Variants in STRN3 observed in about 807,000 individuals in gnomAD.
The protein encoded by STRN3 is striatin-3.
STRN3 carries 29 observed loss-of-function variants against 95.6 expected under a neutral mutation model. The ratio of observed to expected loss-of-function variants is 0.30; its 90% CI spans 0.23 to 0.41. STRN3 has a LOEUF of 0.41. Ranked by LOEUF, STRN3 falls within the 10% of genes least tolerant of loss-of-function variation. STRN3 has a pLI of 1.00. For synonymous variants in STRN3, 331 were observed against 357.6 expected, an observed-to-expected ratio of 0.93 and a Z score of 0.84; for missense variants, 890 against 972.1, an observed-to-expected ratio of 0.92 and a Z score of 1.12.
rs141607363 is a variant in STRN3, at chr14:30,965,954, T to C, written c.283-9712A>G. Among the ~76,000 whole-genome samples, 866 of 152,174 alleles carry C rather than the reference T, an allele frequency of 5.7e-3. 4 individuals carry two copies. The highest frequency in any genetic ancestry group is 0.02 in the African/African-American group (827 of 41,494). ...TTCCTCATAAAGCAATCTTTTTCGA[T>C]TACCCACTCCACCCTGACTCATTCC... is the stretch of plus-strand genomic sequence containing the variant. On this transcript the variant is annotated intron_variant, in intron 1 of 17. Transcript: ENST00000357479.
intron 1 of STRN3, among the ~76,000 whole-genome samples, chr14:31,013,488 GACAC>G (rs1033507905): frequency 1.7e-4 from 26 of 152,196 alleles, no homozygotes; most frequent in Admixed American, 3.9e-4. Context: ...ACTAGAGAGG[GACAC>G]ACACAGACTA....
intron 1 of STRN3, among the ~76,000 whole-genome samples, chr14:30,971,628 A>T (rs1880831905): frequency 6.6e-6 from 1 of 152,222 alleles, no homozygotes. Context: ...TTGCATCATG[A>T]TTAAAACTCA....
At chr14:30,914,940 T>C (rs1896699136) in intron 9 of STRN3, among the ~76,000 whole-genome samples, 1 of 152,244 alleles carries the variant, frequency 6.6e-6, no homozygotes, top group Non-Finnish European at 1.5e-5. Flanking sequence ...CATAATTGAA[T>C]GACTATTATC....
chr14:30,992,135 T>C (rs1446112529), intron 1 of STRN3, among the ~76,000 whole-genome samples: 1 of 151,586 alleles, frequency 6.6e-6, no homozygotes, highest in African/African-American at 2.4e-5. Context: ...AGGGGCCGGG[T>C]GCAGTGGCTC....
intron 6 of STRN3, among the ~76,000 whole-genome samples, 180 bp downstream of exon 6, chr14:30,936,315 T>C (rs1392099432): frequency 2.6e-5 from 4 of 152,224 alleles, no homozygotes; most frequent in Admixed American, 6.5e-5. Flanking sequence ...TAGTGAATAA[T>C]ATAGCAAACA....
intron 1 of STRN3, among the ~76,000 whole-genome samples, chr14:31,010,617 A>G (rs570196783): frequency 7.2e-5 from 11 of 152,208 alleles, no homozygotes; most frequent in African/African-American, 2.2e-4. Context: ...GATTTATGGC[A>G]CACAAAACTT....
chr14:30,923,692 G>A (rs1896939628), intron 8 of STRN3, among the ~76,000 whole-genome samples: 1 of 151,978 alleles, frequency 6.6e-6, no homozygotes, highest in African/African-American at 2.4e-5. Context: ...AAATTTTATA[G>A]GTATAATATA....
intron 2 of STRN3, 69 bp downstream of exon 2, chr14:30,956,070 G>C (rs2139143022): frequency 2.3e-6 from 3 of 1,333,178 alleles, no homozygotes; most frequent in Non-Finnish European, 3.2e-6. Context: ...GCCAAATACA[G>C]AGTACAATGG....
intron 1 of STRN3, among the ~76,000 whole-genome samples, chr14:30,978,911 G>A (rs1189268773): frequency 1.3e-5 from 2 of 151,894 alleles, no homozygotes; most frequent in Admixed American, 6.6e-5. Flanking sequence ...GCACACGCCT[G>A]TAGTCCCAGC....
chr14:31,011,101 A>G (rs1399613457), intron 1 of STRN3, among the ~76,000 whole-genome samples: 2 of 152,194 alleles, frequency 1.3e-5, no homozygotes, highest in African/African-American at 4.8e-5. Flanking sequence ...CATGACAGGG[A>G]GGGGAGACAA....
At chr14:30,996,618 A>G (rs1882208289) in intron 1 of STRN3, among the ~76,000 whole-genome samples, 1 of 152,208 alleles carries the variant, frequency 6.6e-6, no homozygotes, top group Non-Finnish European at 1.5e-5. Flanking sequence ...CTGTAATCCT[A>G]GCACTTTGGG....
At chr14:30,941,566 AG>A (rs1018455557) in intron 5 of STRN3, among the ~76,000 whole-genome samples, 31 of 152,234 alleles carry the variant, frequency 2.0e-4, no homozygotes, top group African/African-American at 7.0e-4. Context: ...GGAGTAGGGG[AG>A]GGGTGGTGTT....
At chr14:30,966,726 T>C (rs1001753391) in intron 1 of STRN3, among the ~76,000 whole-genome samples, 1 of 152,076 alleles carries the variant, frequency 6.6e-6, no homozygotes, top group South Asian at 2.1e-4. Flanking sequence ...GCTTGCGGTG[T>C]TGTGTGGATG....
At chr14:30,956,981 A>AT (rs1879940486) in intron 1 of STRN3, among the ~76,000 whole-genome samples, 1 of 151,860 alleles carries the variant, frequency 6.6e-6, no homozygotes, top group Non-Finnish European at 1.5e-5. Context: ...CAACATGGTG[A>AT]AACCCCCTCT....
Position 30,902,524 on chromosome 14 carries a change from CA to C in STRN3, c.2137+11del. ...CAGTATTACTAATATGAAAAGAAGA[CA>C]ATTTGCTTACCCGTTTTATTGTCAA... is the stretch of plus-strand genomic sequence containing the variant. On this transcript the variant is annotated intron_variant, in intron 16 of 17. Transcript: ENST00000357479. The C allele has an allele frequency of 2.0e-6, 3 of 1,527,714 alleles. No homozygotes were observed. Among genetic ancestry groups the C allele is most frequent in the Non-Finnish European group, 2.7e-6 (3 of 1,116,520 alleles). 94.6% of individuals were successfully genotyped at this position (1,527,714 alleles called of 1,614,324 possible).
intron 8 of STRN3, among the ~76,000 whole-genome samples, chr14:30,927,872 G>A (rs1878264048): frequency 6.9e-6 from 1 of 144,272 alleles, no homozygotes; most frequent in Non-Finnish European, 1.5e-5. Flanking sequence ...GGCAGAGGTT[G>A]CAGTGAGCCG....
chr14:31,025,749 A>G (rs1883826523), intron 1 of STRN3, 155 bp downstream of exon 1: 3 of 1,038,912 alleles, frequency 2.9e-6, no homozygotes, highest in Non-Finnish European at 2.7e-6. Flanking sequence ...GACTCCAGGA[A>G]AAGCCGTTGA....
intron 1 of STRN3, among the ~76,000 whole-genome samples, chr14:30,985,303 C>T (rs564736074): frequency 2.9e-3 from 175 of 60,714 alleles, no homozygotes; most frequent in African/African-American, 5.8e-3. Context: ...AGTAAAACTC[C>T]GCCAAAAAAA....
intron 9 of STRN3, among the ~76,000 whole-genome samples, chr14:30,917,805 T>C (rs1355374369): frequency 6.6e-6 from 1 of 152,172 alleles, no homozygotes; most frequent in African/African-American, 2.4e-5. Flanking sequence ...TAGGGAAATC[T>C]TAAAAGGGAA....
Sources: allele counts gnomAD v4.1 joint callset (sites outside exome capture counted in the v4.1 genomes callset), GRCh38; gene constraint gnomAD v4.1.1; transcripts MANE v1.5; gene names NCBI Gene and HGNC (gene_info 2026-07-23, HGNC 2026-07-21).